RGS22: variants seen among roughly 807,000 people sequenced by gnomAD.
The protein encoded by RGS22 is regulator of G protein signaling 22.
In RGS22, 148 loss-of-function variants were observed where a neutral mutation model predicts 172.9. That is an observed-to-expected ratio of 0.86 (90% confidence interval 0.75 to 0.98). The LOEUF is 0.98. Ranked by LOEUF, RGS22 falls within the 50% of genes least tolerant of loss-of-function variation. RGS22 has a pLI of 0.00. For missense variants in RGS22, 1,347 were observed against 1,440.8 expected (o/e 0.93, Z 1.05); for synonymous variants, 458 against 480.2 (o/e 0.95, Z 0.60).
intron 21 of RGS22, among the ~76,000 whole-genome samples, chr8:99,985,535 A>G (rs918856172): frequency 1.3e-5 from 2 of 152,160 alleles, no homozygotes; most frequent in Admixed American, 6.5e-5. Context: ...TTATTTCCTA[A>G]TATTTGTTCT....
At position 100,063,849 on chromosome 8, in the gene RGS22, T is replaced by C. The variant is rs759649406; in HGVS notation, c.919A>G (p.Met307Val). The change falls in exon 8 of 28, where the codon ATG becomes GTG. Residue 307 changes from methionine (M) to valine (V), a missense_variant. By Grantham distance (21) the Met-to-Val change is conservative (BLOSUM62 1). Transcript: ENST00000360863. ...KKQDVDESLTMHFSTCEEFLS... is the reference protein window; with the variant it reads ...KKQDVDESLTVHFSTCEEFLS... ...AATTCTTCACATGTTGAGAAATGCA[T>C]TGTCAGGCTTTCATCAACATCCTGT... is the stretch of plus-strand genomic sequence containing the variant. 3 of 1,611,382 alleles carry C rather than the reference T, an allele frequency of 1.9e-6. No individual in the cohort carries two copies. The Admixed American group carries it at 5.0e-5, about 27-fold the overall frequency.
chr8:99,989,482 C>T (rs951999456), intron 20 of RGS22, among the ~76,000 whole-genome samples: 3 of 152,150 alleles, frequency 2.0e-5, no homozygotes, highest in East Asian at 3.9e-4. Context: ...TGCTCCTGCT[C>T]GGCAAAGTGC....
In RGS22 at chr8:99,962,701, G is replaced by A. The variant is rs2131066880; in HGVS notation, c.3776C>T (p.Ala1259Val). 4 of 1,609,338 alleles carry A rather than the reference G, an allele frequency of 2.5e-6. No homozygotes were observed. The highest frequency in any genetic ancestry group is 2.2e-5 in the South Asian group (2 of 89,778). The change falls in exon 26 of 28, where the codon GCC (alanine) becomes GTC (valine). Residue 1259 changes from alanine (A) to valine (V), a missense_variant. Transcript: ENST00000360863. ...TGGAAACTCACTCTGGCTGCTGTGG[G>A]CAGACATATTCTTTTTCAAAGACAT... The part of the protein sequence containing the change: ...STMSLKKNMS[A>V]HSSQK
chr8:99,983,820 G>C (rs1044888710), intron 21 of RGS22, among the ~76,000 whole-genome samples: 2 of 152,060 alleles, frequency 1.3e-5, no homozygotes, highest in Non-Finnish European at 2.9e-5. Context: ...AGTATATGCT[G>C]GGCATTGTAA....
chr8:99,988,661 GA>G (rs1813368596), intron 20 of RGS22, among the ~76,000 whole-genome samples: 1 of 152,160 alleles, frequency 6.6e-6, no homozygotes, highest in South Asian at 2.1e-4. Context: ...TAACACAAAG[GA>G]AGGAGTAACT....
chr8:100,072,032 A>G, intron 5 of RGS22, 113 bp downstream of exon 5: 2 of 650,362 alleles, frequency 3.1e-6, no homozygotes, highest in South Asian at 1.9e-5. Context: ...CCCTGACTCT[A>G]CAAAGAATTT....
chr8:99,991,642 T>G (rs1167122549), intron 20 of RGS22, among the ~76,000 whole-genome samples: 1 of 152,176 alleles, frequency 6.6e-6, no homozygotes, highest in Non-Finnish European at 1.5e-5. Flanking sequence ...ACATTTTTGA[T>G]TGGTGTACCT....
chr8:100,001,219 T>TACAC lies in RGS22; in HGVS notation c.2790+982_2790+983insGTGT, dbSNP rs1554611106. On this transcript the variant is annotated intron_variant, in intron 18 of 27. Transcript: ENST00000360863. ...CCAATTTTTTATATATATATATATA[T>TACAC]ACATATATATATATACATTTTTTTT... is the stretch of plus-strand genomic sequence containing the variant. Among the ~76,000 whole-genome samples the TACAC allele has an allele frequency of 6.4e-3, 857 of 132,944 alleles. 9 individuals carry two copies. Among genetic ancestry groups the TACAC allele is most frequent in the Middle Eastern group, 0.033 (9 of 270 alleles). The allele number at this position is 132,944 out of a possible 152,430, so 87.2% of individuals were successfully genotyped here.
intron 14 of RGS22, 148 bp downstream of exon 14, chr8:100,038,783 C>T (rs1819780333): frequency 4.7e-6 from 2 of 426,460 alleles, no homozygotes; most frequent in Non-Finnish European, 8.3e-6. Flanking sequence ...CAATATTTTG[C>T]TGATTTCAAA....
Position 99,965,327 on chromosome 8 carries a change from A to G in RGS22, c.3615+8T>C. Reference sequence around the variant, plus strand: ...GGAAATGAGGTCTGCACCATCTTGCATGCTTACCTGTCGGCCATATGGTTG... The same window carrying G: ...GGAAATGAGGTCTGCACCATCTTGCGTGCTTACCTGTCGGCCATATGGTTG... On this transcript the variant is annotated splice_region_variant and intron_variant, in intron 24 of 27. Coordinates refer to ENST00000360863, the MANE Select transcript of RGS22 (RefSeq NM_015668.5). 1 of 1,603,558 alleles carries G rather than the reference A, an allele frequency of 6.2e-7. No homozygotes were observed. Among genetic ancestry groups the G allele is most frequent in the Non-Finnish European group, 8.5e-7 (1 of 1,170,592 alleles).
At position 100,071,485 on chromosome 8, in the gene RGS22, T is replaced by A. The variant is rs1312830323; in HGVS notation, c.478A>T (p.Thr160Ser). 6.2e-7 allele frequency: 1 copy of A among 1,612,962 alleles called. No individual in the cohort carries two copies. Among genetic ancestry groups the A allele is most frequent in the South Asian group, 1.1e-5 (1 of 90,962 alleles). ...CAGGGAGAAAAATTTGATCCTACTG[T>A]GAAATTCATGCCGGACTTGCTCCAT... Reference protein sequence around the residue: ...VRWSKSGMNFTVGSNFSPWIV... With the variant: ...VRWSKSGMNFSVGSNFSPWIV... Residue 160 changes from threonine to serine, a missense_variant, in exon 6 of 28, where the codon ACA (threonine) becomes TCA (serine). Thr to Ser is a moderately conservative substitution (Grantham distance 58, BLOSUM62 1). Transcript: ENST00000360863.
Position 100,002,365 on chromosome 8 carries a change from C to T in RGS22, c.2628-1G>A, listed in dbSNP as rs1815187558. 6.3e-7 allele frequency: 1 copy of T among 1,594,854 alleles called. No homozygotes were observed. The highest frequency in any genetic ancestry group is 8.5e-7 in the Non-Finnish European group (1 of 1,174,996). ...GTCTGTCCAGCACATAAGATCCATG[C>T]TAAAATGAAAACAAAAACAATGTAT... is the stretch of plus-strand genomic sequence containing the variant. On this transcript the variant is annotated splice_acceptor_variant, in intron 17 of 27. Coordinates refer to ENST00000360863, the MANE Select transcript of RGS22 (RefSeq NM_015668.5). LOFTEE classifies it high-confidence loss of function.
rs534777996 is a variant in RGS22 at position 100,059,464 on chromosome 8, C to CA, written c.1514+3126dup. ...AAAACATGTTCCATGTCAATGGAAA[C>CA]AAAAAAAAAAAAGCAGGAGTAGCTA... On this transcript the variant is annotated intron_variant, in intron 9 of 27. Coordinates refer to ENST00000360863, the MANE Select transcript of RGS22 (RefSeq NM_015668.5). Among the ~76,000 whole-genome samples the CA allele has an allele frequency of 4.2e-3, 469 of 110,558 alleles. 1 individual carries two copies. Among genetic ancestry groups the CA allele is most frequent in the African/African-American group, 7.6e-3 (228 of 30,102 alleles). The allele number at this position is 110,558 out of a possible 152,430, so 72.5% of individuals were successfully genotyped here.
rs1469761705 is a variant in RGS22, at chr8:100,052,942, T to C, written c.1549A>G (p.Thr517Ala). ...TTCAGTTCAGCACTAGCATATTTTG[T>C]TGAGGCTGAATGAGTAACACAGAAT... ...PRFCVTHSAS[T>A]KYASAELKFW... The change falls in exon 10 of 28, where the codon ACA becomes GCA. Residue 517 changes from threonine to alanine, a missense_variant. Coordinates refer to ENST00000360863, the MANE Select transcript of RGS22 (RefSeq NM_015668.5). 1.2e-6 allele frequency: 2 copies of C among 1,613,990 alleles called. No individual in the cohort carries two copies. Among genetic ancestry groups the C allele is most frequent in the Non-Finnish European group, 1.7e-6 (2 of 1,180,018 alleles).
At chr8:99,977,829 T>C in intron 23 of RGS22, 88 bp downstream of exon 23, 1 of 1,140,060 alleles carries the variant, frequency 8.8e-7, no homozygotes, top group Non-Finnish European at 1.2e-6. Context: ...CTTCTCTCTA[T>C]ATATCCCCAG....
intron 14 of RGS22, among the ~76,000 whole-genome samples, chr8:100,014,856 C>G (rs1189761537): frequency 6.6e-6 from 1 of 152,184 alleles, no homozygotes; most frequent in Non-Finnish European, 1.5e-5. Flanking sequence ...AGCTTCTATT[C>G]ATCCTAAAGA....
At position 99,977,871 on chromosome 8, in the gene RGS22, A is replaced by T. The variant is rs755966761; in HGVS notation, c.3519+46T>A. 3 of 1,479,848 alleles carry T rather than the reference A, an allele frequency of 2.0e-6. No individual in the cohort carries two copies. The East Asian group carries it at 7.5e-5, about 37-fold the overall frequency. 91.7% of individuals were successfully genotyped at this position (1,479,848 alleles called of 1,614,324 possible). A position where few individuals can be genotyped will look rare whatever the true frequency, so the allele number is the denominator to read the frequency against. On this transcript the variant is annotated intron_variant, in intron 23 of 27. Coordinates refer to ENST00000360863, the MANE Select transcript of RGS22 (RefSeq NM_015668.5). ...TTATTCTATAATTCACACATATCACATAACTTTTAAAAGTCTGATAAAACC... is the reference window on the plus strand; with the variant it reads ...TTATTCTATAATTCACACATATCACTTAACTTTTAAAAGTCTGATAAAACC...
chr8:100,094,486 T>C (rs1812818023), intron 2 of RGS22, among the ~76,000 whole-genome samples: 1 of 152,324 alleles, frequency 6.6e-6, no homozygotes, highest in Admixed American at 6.5e-5. Flanking sequence ...GGTAATTTCT[T>C]TAAGTAATTG....
chr8:100,096,670 AAT>A lies in RGS22; in HGVS notation c.55-3163_55-3162del, dbSNP rs762234101. 5.4e-3 allele frequency among the ~76,000 whole-genome samples: 740 copies of A among 137,968 alleles called. 11 individuals are homozygous for A. Among genetic ancestry groups the A allele is most frequent in the African/African-American group, 0.019 (707 of 36,364 alleles). The allele number at this position is 137,968 out of a possible 152,430, so 90.5% of individuals were successfully genotyped here. ...TTAGGCGCTTAGCTAATTTAAAAAA[AAT>A]TTTTTTTTTTTTTTTTGGTACAGAC... is the stretch of plus-strand genomic sequence containing the variant. On this transcript the variant is annotated intron_variant, in intron 2 of 27. Coordinates refer to ENST00000360863, the MANE Select transcript of RGS22 (RefSeq NM_015668.5).
Sources: gnomAD v4.1 joint callset for allele counts (sites outside exome capture counted in the v4.1 genomes callset) on GRCh38, gnomAD v4.1.1 for gene constraint, MANE v1.5 for transcripts, NCBI Gene and HGNC (gene_info 2026-07-23, HGNC 2026-07-21) for gene names.